Variants in TGFB2 observed in about 807,000 individuals in gnomAD.
TGFB2 encodes transforming growth factor beta 2.
In TGFB2, 13 loss-of-function variants were observed where a neutral mutation model predicts 42.7. The ratio of observed to expected loss-of-function variants is 0.30; its 90% CI spans 0.20 to 0.48. The LOEUF is 0.48. Ranked by LOEUF, TGFB2 falls within the 20% of genes least tolerant of loss-of-function variation. TGFB2 has a pLI of 0.99. For synonymous variants in TGFB2, 193 were observed against 193.6 expected (o/e 1.00, Z 0.03); for missense variants, 390 against 517.5 (o/e 0.75, Z 2.39).
At position 218,441,251 on chromosome 1, in the gene TGFB2, T is replaced by C. The variant is rs771738461; in HGVS notation, c.1134T>C (p.Pro378=). The change falls in exon 7 of 7, where the codon CCT becomes CCC. Residue 378 remains proline, a synonymous_variant. Transcript: ENST00000366930. The stretch of plus-strand genomic sequence containing the variant: ...TAAATCCAGAAGCATCTGCTTCTCC[T>C]TGCTGCGTGTCCCAAGATTTAGAAC... ...NTINPEASAS[P]CCVSQDLEPL... The C allele has an allele frequency of 2.5e-6, 4 of 1,613,820 alleles. No individual in the cohort carries two copies. The highest frequency in any genetic ancestry group is 2.2e-5 in the South Asian group (2 of 91,034).
chr1:218,386,823 C>A (rs4846267), intron 1 of TGFB2, among the ~76,000 whole-genome samples: 2 of 151,998 alleles, frequency 1.3e-5, no homozygotes, highest in African/African-American at 2.4e-5. Flanking sequence ...TATAAGCTTA[C>A]GTTTACTGAG....
intron 4 of TGFB2, among the ~76,000 whole-genome samples, chr1:218,435,688 G>A (rs970039033): frequency 6.6e-6 from 1 of 152,170 alleles, no homozygotes; most frequent in South Asian, 2.1e-4. Flanking sequence ...TGGACTATAG[G>A]TCAAAGACTG....
intron 1 of TGFB2, among the ~76,000 whole-genome samples, chr1:218,360,419 C>T (rs1396658932): frequency 6.6e-6 from 1 of 152,072 alleles, no homozygotes; most frequent in African/African-American, 2.4e-5. Flanking sequence ...CCATAGTCCC[C>T]CATCATAAAT....
At chr1:218,414,471 A>G (rs1659207633) in intron 2 of TGFB2, among the ~76,000 whole-genome samples, 1 of 152,196 alleles carries the variant, frequency 6.6e-6, no homozygotes, top group Admixed American at 6.5e-5. Context: ...TTGGAGACAT[A>G]CATAGCATAG....
chr1:218,411,780 G>A (rs980911556), intron 2 of TGFB2, among the ~76,000 whole-genome samples: 29 of 151,086 alleles, frequency 1.9e-4, no homozygotes, highest in Admixed American at 4.6e-4. Context: ...CAGGAGAATC[G>A]CTTGAACCCG....
chr1:218,421,913 A>G (rs531777636), intron 2 of TGFB2, among the ~76,000 whole-genome samples: 1 of 152,096 alleles, frequency 6.6e-6, no homozygotes, highest in Non-Finnish European at 1.5e-5. Context: ...CCAGCAAACC[A>G]CCAGATGCTA....
intron 1 of TGFB2, among the ~76,000 whole-genome samples, chr1:218,370,116 C>A (rs1178257626): frequency 1.3e-5 from 2 of 152,132 alleles, no homozygotes; most frequent in Non-Finnish European, 2.9e-5. Flanking sequence ...ACTAAACCAA[C>A]CAAACAGAAA....
Position 218,399,745 on chromosome 1 carries a change from C to A in TGFB2, c.347-5424C>A, listed in dbSNP as rs1350454054. Among the ~76,000 whole-genome samples, 3 of 151,962 alleles carry A rather than the reference C, an allele frequency of 2.0e-5. No individual in the cohort carries two copies. In the East Asian group the frequency reaches 5.8e-4, roughly 29 times the overall value. On this transcript the variant is annotated intron_variant, in intron 1 of 6. Coordinates refer to ENST00000366930, the MANE Select transcript of TGFB2 (RefSeq NM_003238.6). Reference sequence around the variant, plus strand: ...ATAAACTGCCCCAGGACACTTAGCTCCTCCTGTTCTTTCTCTCCTCTTCTA... The same window carrying A: ...ATAAACTGCCCCAGGACACTTAGCTACTCCTGTTCTTTCTCTCCTCTTCTA...
chr1:218,348,575 T>C (rs1194131575), intron 1 of TGFB2, among the ~76,000 whole-genome samples: 9 of 152,350 alleles, frequency 5.9e-5, no homozygotes, highest in African/African-American at 2.2e-4. Flanking sequence ...TTTATTATTG[T>C]AATTATGGCA....
At position 218,380,275 on chromosome 1, in the gene TGFB2, T is replaced by A. The variant is rs548229215; in HGVS notation, c.347-24894T>A. Among the ~76,000 whole-genome samples, 4 of 152,194 alleles carry A rather than the reference T, an allele frequency of 2.6e-5. No individual in the cohort carries two copies. In the East Asian group the frequency reaches 7.7e-4, roughly 29 times the overall value. On this transcript the variant is annotated intron_variant, in intron 1 of 6. Coordinates refer to ENST00000366930, the MANE Select transcript of TGFB2 (RefSeq NM_003238.6). ...AACTCTGGAATGAAAATGGCCTAGG[T>A]TTGTGTGTTTGGGGACGGACATTCC...
At chr1:218,381,258 G>GTTTTTTT (rs11405199) in intron 1 of TGFB2, among the ~76,000 whole-genome samples, 21 of 137,716 alleles carry the variant, frequency 1.5e-4, no homozygotes, top group East Asian at 6.4e-4. Flanking sequence ...TTTTGTTTTT[G>GTTTTTTT]TTTTTTTTTT....
chr1:218,395,220 C>T (rs1429724697), intron 1 of TGFB2, among the ~76,000 whole-genome samples: 1 of 152,156 alleles, frequency 6.6e-6, no homozygotes, highest in African/African-American at 2.4e-5. Flanking sequence ...CTGGGCAATA[C>T]TGGTATTAGT....
intron 2 of TGFB2, among the ~76,000 whole-genome samples, chr1:218,407,849 T>C (rs958625293): frequency 6.6e-6 from 1 of 151,992 alleles, no homozygotes. Flanking sequence ...TCAGCCAGAA[T>C]AGAAGAATAA....
chr1:218,387,173 G>A (rs1014913734), intron 1 of TGFB2, among the ~76,000 whole-genome samples: 6 of 151,770 alleles, frequency 4.0e-5, no homozygotes, highest in African/African-American at 9.7e-5. Context: ...GTGGTGCTTG[G>A]CATATTTGGA....
At chr1:218,361,134 T>G (rs1475959798) in intron 1 of TGFB2, among the ~76,000 whole-genome samples, 21 of 152,258 alleles carry the variant, frequency 1.4e-4, no homozygotes, top group Admixed American at 1.4e-3. Context: ...ATTATAGGCG[T>G]GAGCCACCGC....
At chr1:218,359,957 A>C (rs1443747531) in intron 1 of TGFB2, among the ~76,000 whole-genome samples, 1 of 152,128 alleles carries the variant, frequency 6.6e-6, no homozygotes, top group Non-Finnish European at 1.5e-5. Flanking sequence ...TGAGGGAATA[A>C]TTTTTCCTTG....
intron 1 of TGFB2, among the ~76,000 whole-genome samples, chr1:218,379,922 A>T (rs1232109915): frequency 2.0e-5 from 3 of 152,198 alleles, no homozygotes; most frequent in African/African-American, 7.2e-5. Context: ...CACAGTTGGT[A>T]TTTAGTCAAT....
chr1:218,372,517 A>G (rs1312257267), intron 1 of TGFB2, among the ~76,000 whole-genome samples: 1 of 152,154 alleles, frequency 6.6e-6, no homozygotes, highest in African/African-American at 2.4e-5. Context: ...TCCCTATGGA[A>G]CTGTGGCCAC....
chr1:218,377,864 C>A (rs1657796355), intron 1 of TGFB2, among the ~76,000 whole-genome samples: 1 of 152,200 alleles, frequency 6.6e-6, no homozygotes, highest in South Asian at 2.1e-4. Flanking sequence ...ACCCCAGCAT[C>A]CATCTTCCTG....
Sources: gnomAD v4.1 joint callset for allele counts (sites outside exome capture counted in the v4.1 genomes callset) on GRCh38, gnomAD v4.1.1 for gene constraint, MANE v1.5 for transcripts, NCBI Gene and HGNC (gene_info 2026-07-23, HGNC 2026-07-21) for gene names.